GLCCI1: variants seen among roughly 807,000 people sequenced by gnomAD.
The protein encoded by GLCCI1 is glucocorticoid-induced transcript 1 protein.
A neutral mutation model predicts 52.2 loss-of-function variants in GLCCI1; 24 were observed. The observed-to-expected ratio is 0.46, with a 90% CI of 0.33 to 0.65. The LOEUF is 0.65. Among genes scored for constraint, GLCCI1 ranks in the 30% least tolerant of loss-of-function variants. The pLI, the probability that GLCCI1 is intolerant of heterozygous loss-of-function variation, is 0.02. For missense variants in GLCCI1, 704 were observed against 701.5 expected, an observed-to-expected ratio of 1.00 and a Z score of -0.04; for synonymous variants, 310 against 276.5, an observed-to-expected ratio of 1.12 and a Z score of -1.20.
chr7:8,018,417 A>T (rs189008101), intron 2 of GLCCI1, among the ~76,000 whole-genome samples: 1 of 152,336 alleles, frequency 6.6e-6, no homozygotes, highest in Non-Finnish European at 1.5e-5. Flanking sequence ...ATAAAGATAT[A>T]CATAACAAAA....
Position 7,969,234 on chromosome 7 carries a change from C to T in GLCCI1, c.-117C>T. On this transcript the variant is annotated 5_prime_UTR_variant, in exon 1 of 8. Transcript: ENST00000223145. This position sits in a 1 kb window ranked among gnomAD's most constrained non-coding sequence, Gnocchi z 4.9. Reference sequence around the variant, plus strand: ...GAGACTCCTCCCCCACAGCGATACCCCCGCCCCTCCCCCTTACACACTCGC... The same window carrying T: ...GAGACTCCTCCCCCACAGCGATACCTCCGCCCCTCCCCCTTACACACTCGC... 1 of 951,422 alleles carries T rather than the reference C, an allele frequency of 1.1e-6. No individual in the cohort carries two copies. The highest frequency in any genetic ancestry group is 1.3e-6 in the Non-Finnish European group (1 of 751,096). 58.9% of individuals were successfully genotyped at this position (951,422 alleles called of 1,614,324 possible). A position where few individuals can be genotyped will look rare whatever the true frequency, so the allele number is the denominator to read the frequency against.
intron 3 of GLCCI1, among the ~76,000 whole-genome samples, chr7:8,041,459 T>TAACA (rs1186211527): frequency 6.6e-6 from 1 of 152,258 alleles, no homozygotes; most frequent in Non-Finnish European, 1.5e-5. Context: ...GTGGCTACAC[T>TAACA]AACAGGTTTT....
At chr7:8,012,353 A>C (rs2127945536) in intron 2 of GLCCI1, among the ~76,000 whole-genome samples, 1 of 146,728 alleles carries the variant, frequency 6.8e-6, no homozygotes, top group African/African-American at 2.5e-5. Flanking sequence ...GGAGTTCTTT[A>C]TATATACTGG....
At chr7:8,037,101 A>C (rs1465812372) in intron 3 of GLCCI1, among the ~76,000 whole-genome samples, 1 of 22,738 alleles carries the variant, frequency 4.4e-5, no homozygotes, top group Non-Finnish European at 8.0e-5. Context: ...GTCTTCAGAC[A>C]AAGTCAGTGT....
chr7:8,030,502 C>T (rs1335062570), intron 3 of GLCCI1, among the ~76,000 whole-genome samples: 1 of 152,106 alleles, frequency 6.6e-6, no homozygotes, highest in Admixed American at 6.5e-5. Context: ...ACTAATACCA[C>T]ACAAGCACAG....
intron 1 of GLCCI1, chr7:7,980,972 CAA>C: frequency 1.8e-6 from 1 of 567,868 alleles, no homozygotes; most frequent in South Asian, 1.7e-5. Flanking sequence ...AGAGTTGACA[CAA>C]ATGAAGAAAT....
At position 7,969,211 on chromosome 7, in the gene GLCCI1, G is replaced by T. The variant is rs1780279957; in HGVS notation, c.-140G>T. On this transcript the variant is annotated 5_prime_UTR_variant, in exon 1 of 8. Coordinates refer to ENST00000223145, the MANE Select transcript of GLCCI1 (RefSeq NM_138426.4). This position sits in a 1 kb window ranked among gnomAD's most constrained non-coding sequence, Gnocchi z 4.9. ...GTGCGTTGGGGAGGGGGAGCCCCGA[G>T]ACTCCTCCCCCACAGCGATACCCCC... 2.7e-6 allele frequency: 2 copies of T among 729,546 alleles called. No individual in the cohort carries two copies. The highest frequency in any genetic ancestry group is 1.0e-4 in the South Asian group (2 of 19,436). The allele number at this position is 729,546 out of a possible 1,614,324, so 45.2% of individuals were successfully genotyped here. A position where few individuals can be genotyped will look rare whatever the true frequency, so the allele number is the denominator to read the frequency against.
intron 2 of GLCCI1, among the ~76,000 whole-genome samples, chr7:8,012,526 G>T (rs1448091761): frequency 7.7e-6 from 1 of 129,694 alleles, no homozygotes. Context: ...CTCACTGCAA[G>T]CTCCACCTCC....
chr7:8,010,888 G>T (rs1583969450), intron 2 of GLCCI1, among the ~76,000 whole-genome samples: 1 of 151,814 alleles, frequency 6.6e-6, no homozygotes, highest in Non-Finnish European at 1.5e-5. Flanking sequence ...ATGGATCATG[G>T]GCATCTCTCC....
At chr7:8,003,377 A>T (rs1367774884) in intron 1 of GLCCI1, among the ~76,000 whole-genome samples, 1 of 152,190 alleles carries the variant, frequency 6.6e-6, no homozygotes, top group African/African-American at 2.4e-5. Flanking sequence ...CTTTGGAAAA[A>T]CACAGGCCAT....
intron 2 of GLCCI1, among the ~76,000 whole-genome samples, chr7:8,011,544 A>G (rs573836879): frequency 6.6e-5 from 10 of 152,220 alleles, no homozygotes; most frequent in East Asian, 5.8e-4. Flanking sequence ...CCATTCGTCT[A>G]TGGGTGGACA....
chr7:7,995,780 T>G (rs1425176697), intron 1 of GLCCI1, among the ~76,000 whole-genome samples: 4 of 152,080 alleles, frequency 2.6e-5, no homozygotes, highest in Non-Finnish European at 4.4e-5. Flanking sequence ...AGGGATAGCA[T>G]TAGGAGATAT....
intron 5 of GLCCI1, among the ~76,000 whole-genome samples, chr7:8,061,929 C>CCT (rs1782526759): frequency 6.6e-6 from 1 of 151,624 alleles, no homozygotes; most frequent in Non-Finnish European, 1.5e-5. Context: ...GGCCTCCCAA[C>CCT]GTGCTTGGAT....
chr7:7,973,413 C>CGTGTGTGTGTGTGTGTGTGT (rs57135358), intron 1 of GLCCI1, among the ~76,000 whole-genome samples: 1 of 147,590 alleles, frequency 6.8e-6, no homozygotes, highest in Admixed American at 6.8e-5. Flanking sequence ...TCTTTGTGTG[C>CGTGTGTGTGTGTGTGTGTGT]GTGTGTGTGT....
intron 2 of GLCCI1, among the ~76,000 whole-genome samples, chr7:8,018,129 GC>G (rs1487612306): frequency 2.0e-5 from 3 of 151,942 alleles, no homozygotes; most frequent in African/African-American, 7.3e-5. Flanking sequence ...GTTTATCATT[GC>G]TATAAGTACT....
chr7:7,969,276 GCTCCCACACGCTCGCGCGC>G lies in GLCCI1; in HGVS notation c.-69_-51del, dbSNP rs1780282915. The G allele has an allele frequency of 8.0e-7, 1 of 1,252,760 alleles. No individual in the cohort carries two copies. Among genetic ancestry groups the G allele is most frequent in the Non-Finnish European group, 1.0e-6 (1 of 984,216 alleles). The allele number at this position is 1,252,760 out of a possible 1,614,324, so 77.6% of individuals were successfully genotyped here. A position where few individuals can be genotyped will look rare whatever the true frequency, so the allele number is the denominator to read the frequency against. On this transcript the variant is annotated 5_prime_UTR_variant, in exon 1 of 8. Coordinates refer to ENST00000223145, the MANE Select transcript of GLCCI1 (RefSeq NM_138426.4). This position sits in a 1 kb window ranked among gnomAD's most constrained non-coding sequence, Gnocchi z 4.9. ...CACACTCGCACGCACTATCGCGCCG[GCTCCCACACGCTCGCGCGC>G]CTCCCGCCCCGCGCCTCCGTGTCGG...
chr7:8,014,552 G>C (rs1178036513), intron 2 of GLCCI1, among the ~76,000 whole-genome samples: 2 of 151,992 alleles, frequency 1.3e-5, no homozygotes, highest in African/African-American at 4.8e-5. Flanking sequence ...ATGAGCCTTA[G>C]AGTATTTTTA....
chr7:8,036,953 A>G (rs1781880582), intron 3 of GLCCI1, among the ~76,000 whole-genome samples: 2 of 152,196 alleles, frequency 1.3e-5, no homozygotes. Context: ...GGGAGAAGAA[A>G]AAGAAAAAAG....
At position 7,969,312 on chromosome 7, in the gene GLCCI1, C is replaced by G; in HGVS notation, c.-39C>G. On this transcript the variant is annotated 5_prime_UTR_variant, in exon 1 of 8. Coordinates refer to ENST00000223145, the MANE Select transcript of GLCCI1 (RefSeq NM_138426.4). The surrounding 1 kb of genome is among the most constrained non-coding windows in gnomAD (Gnocchi z 4.9). ...CTCGCGCGCCTCCCGCCCCGCGCCT[C>G]CGTGTCGGCCGGCGGCGTCCAGGGC... The G allele has an allele frequency of 7.2e-7, 1 of 1,397,498 alleles. No homozygotes were observed. The highest frequency in any genetic ancestry group is 9.3e-7 in the Non-Finnish European group (1 of 1,069,616). The allele number at this position is 1,397,498 out of a possible 1,614,324, so 86.6% of individuals were successfully genotyped here.
Sources: allele counts gnomAD v4.1 joint callset (sites outside exome capture counted in the v4.1 genomes callset), GRCh38; gene constraint gnomAD v4.1.1; non-coding constraint Gnocchi (gnomAD v3.1); transcripts MANE v1.5; gene names NCBI Gene and HGNC (gene_info 2026-07-23, HGNC 2026-07-21).